The following ROBO2 variants were observed in gnomAD, a reference collection of about 807,000 sequenced individuals.
The protein encoded by ROBO2 is roundabout homolog 2.
Under a neutral mutation model 160.8 loss-of-function variants are expected in ROBO2, and 53 were observed. The observed-to-expected ratio is 0.33, with a 90% confidence interval of 0.26 to 0.41. The LOEUF (loss-of-function observed/expected upper bound fraction) is 0.41. Among genes scored for constraint, ROBO2 ranks in the 10% least tolerant of loss-of-function variants. The pLI is 1.00. For missense variants in ROBO2, 1,577 were observed against 1,722.4 expected (o/e 0.92, Z 1.49); for synonymous variants, 664 against 611.7 (o/e 1.09, Z -1.26).
At chr3:77,098,237 C>G in exon 2 of ROBO2, 1 of 1,614,160 alleles carries the variant, frequency 6.2e-7, no homozygotes, top group Non-Finnish European at 8.5e-7. Flanking sequence ...TCTTGCGCAT[C>G]GTGCACGGGC....
chr3:77,522,547 T>C (rs982041940), intron 5 of ROBO2, among the ~76,000 whole-genome samples: 7 of 151,258 alleles, frequency 4.6e-5, no homozygotes, highest in Non-Finnish European at 1.0e-4. Context: ...AAGAATTCTA[T>C]ACATATGTGA....
chr3:77,377,471 A>T (rs2072844674), intron 2 of ROBO2, among the ~76,000 whole-genome samples: 1 of 152,152 alleles, frequency 6.6e-6, no homozygotes, highest in African/African-American at 2.4e-5. Flanking sequence ...AGTGATCTTA[A>T]TCCATACAAG....
chr3:77,584,923 C>CAT lies in ROBO2; in HGVS notation c.2501-3820_2501-3819dup, dbSNP rs984662587. Among the ~76,000 whole-genome samples the CAT allele has an allele frequency of 5.5e-5, 8 of 146,638 alleles. 1 individual carries two copies. Among genetic ancestry groups the CAT allele is most frequent in the African/African-American group, 1.3e-4 (5 of 39,700 alleles). On this transcript the variant is annotated intron_variant, in intron 16 of 25. Transcript: ENST00000461745. ...GTGTGTGTGTGTGTATACACACATA[C>CAT]ATATATATACATATATATATATACA...
chr3:77,385,802 T>C (rs1214457326), intron 2 of ROBO2, among the ~76,000 whole-genome samples: 10 of 152,294 alleles, frequency 6.6e-5, no homozygotes, highest in African/African-American at 2.2e-4. Flanking sequence ...AGACACTTTG[T>C]TGCAGAATTT....
At chr3:77,123,879 A>G (rs1252501479) in intron 2 of ROBO2, among the ~76,000 whole-genome samples, 1 of 149,304 alleles carries the variant, frequency 6.7e-6, no homozygotes, top group Non-Finnish European at 1.5e-5. Flanking sequence ...ATATATAGAT[A>G]CATATATAGA....
intron 2 of ROBO2, among the ~76,000 whole-genome samples, chr3:76,398,094 G>A (rs1400503443): frequency 6.6e-6 from 1 of 152,048 alleles, no homozygotes; most frequent in East Asian, 1.9e-4. Context: ...AACAATGATA[G>A]ACTGGATTAA....
chr3:76,928,168 A>G (rs1445579102), intron 2 of ROBO2, among the ~76,000 whole-genome samples: 1 of 152,160 alleles, frequency 6.6e-6, no homozygotes, highest in Non-Finnish European at 1.5e-5. Context: ...ATGGAAAAAG[A>G]CTGGTCAGAG....
At chr3:77,253,415 T>C (rs1358988487) in intron 2 of ROBO2, among the ~76,000 whole-genome samples, 2 of 152,208 alleles carry the variant, frequency 1.3e-5, no homozygotes, top group Non-Finnish European at 2.9e-5. Flanking sequence ...CATAAAGACC[T>C]ATGTGACATA....
intron 2 of ROBO2, among the ~76,000 whole-genome samples, chr3:76,392,867 G>T (rs2077225422): frequency 6.6e-6 from 1 of 152,116 alleles, no homozygotes; most frequent in African/African-American, 2.4e-5. Context: ...GAAAAATGAA[G>T]TTTAGTGTAA....
rs146144017 is a variant in ROBO2, at chr3:77,303,544, T to A, written c.389-173870T>A. On this transcript the variant is annotated intron_variant, in intron 2 of 25. Transcript: ENST00000461745. Reference sequence around the variant, plus strand: ...GTGTGGACTTATGAAATAATATATATTTATTGCATTCACAATGCTTATATT... The same window carrying A: ...GTGTGGACTTATGAAATAATATATAATTATTGCATTCACAATGCTTATATT... 2.0e-4 allele frequency among the ~76,000 whole-genome samples: 30 copies of A among 152,254 alleles called. No homozygotes were observed. The East Asian group carries it at 5.6e-3, about 28-fold the overall frequency.
chr3:76,479,012 T>C (rs2079078741), intron 2 of ROBO2, among the ~76,000 whole-genome samples: 1 of 152,112 alleles, frequency 6.6e-6, no homozygotes, highest in Non-Finnish European at 1.5e-5. Context: ...AGAGATATAG[T>C]AACTTCAATA....
intron 2 of ROBO2, among the ~76,000 whole-genome samples, chr3:77,473,504 G>T (rs2083605218): frequency 7.9e-6 from 1 of 126,048 alleles, no homozygotes; most frequent in Admixed American, 1.0e-4. Flanking sequence ...CTGTCGCCCA[G>T]GCTGGAGTGC....
chr3:76,627,373 GC>G (rs963767146), intron 2 of ROBO2, among the ~76,000 whole-genome samples: 26 of 152,130 alleles, frequency 1.7e-4, no homozygotes, highest in African/African-American at 6.0e-4. Flanking sequence ...TCCAGAGAGA[GC>G]CAGAGAATCC....
intron 2 of ROBO2, among the ~76,000 whole-genome samples, chr3:76,269,587 GAA>G (rs34448121): frequency 0.057 from 8,228 of 144,306 alleles, 603 homozygotes; most frequent in African/African-American, 0.17. Context: ...ATGGTTAAAT[GAA>G]AAAAAAAAAA....
intron 2 of ROBO2, among the ~76,000 whole-genome samples, chr3:76,237,793 G>A (rs960477524): frequency 6.6e-6 from 1 of 152,176 alleles, no homozygotes; most frequent in Non-Finnish European, 1.5e-5. Context: ...AAAAACTTTG[G>A]TAGAGTATGA....
At chr3:76,203,174 A>C (rs1447469924) in intron 2 of ROBO2, among the ~76,000 whole-genome samples, 1 of 152,122 alleles carries the variant, frequency 6.6e-6, no homozygotes, top group Non-Finnish European at 1.5e-5. Context: ...CCACACTGCT[A>C]CCCTCTCCCA....
At chr3:76,355,658 C>A (rs1253650949) in intron 2 of ROBO2, among the ~76,000 whole-genome samples, 1 of 151,726 alleles carries the variant, frequency 6.6e-6, no homozygotes, top group Non-Finnish European at 1.5e-5. Flanking sequence ...GCATAGCAAT[C>A]TGAGATGACT....
At chr3:77,207,357 A>AT (rs2083569428) in intron 2 of ROBO2, among the ~76,000 whole-genome samples, 1 of 152,176 alleles carries the variant, frequency 6.6e-6, no homozygotes, top group African/African-American at 2.4e-5. Context: ...GGACAGTCAC[A>AT]TTTTTCATAG....
At chr3:76,722,469 A>G (rs2093481092) in intron 2 of ROBO2, among the ~76,000 whole-genome samples, 1 of 152,204 alleles carries the variant, frequency 6.6e-6, no homozygotes, top group Admixed American at 6.5e-5. Context: ...TTTACCTACC[A>G]TAAAGTCCAC....
Sources: allele counts gnomAD v4.1 joint callset (sites outside exome capture counted in the v4.1 genomes callset), GRCh38; gene constraint gnomAD v4.1.1; transcripts MANE v1.5; gene names NCBI Gene and HGNC (gene_info 2026-07-23, HGNC 2026-07-21).